The following REV3L variants were observed in gnomAD, a reference collection of about 807,000 sequenced individuals.
REV3L encodes the protein DNA polymerase zeta catalytic subunit.
REV3L carries 69 observed loss-of-function variants against 299.4 expected under a neutral mutation model. The ratio of observed to expected loss-of-function variants is 0.23; its 90% CI spans 0.19 to 0.28. The LOEUF (loss-of-function observed/expected upper bound fraction) is 0.28. REV3L is among the 10% of genes least tolerant of loss of function. REV3L has a pLI of 1.00. For synonymous variants in REV3L, 1,238 were observed against 1,271.4 expected (o/e 0.97, Z 0.56); for missense variants, 3,128 against 3,693.8 (o/e 0.85, Z 3.97).
chr6:111,465,171 C>A (rs1441198782), intron 1 of REV3L, among the ~76,000 whole-genome samples: 6 of 147,292 alleles, frequency 4.1e-5, no homozygotes, highest in African/African-American at 1.5e-4. Context: ...ACCTCTGCCT[C>A]CCGGGTTCAA....
chr6:111,355,917 A>G (rs1778040570), intron 18 of REV3L, among the ~76,000 whole-genome samples: 1 of 152,156 alleles, frequency 6.6e-6, no homozygotes, highest in Admixed American at 6.5e-5. Context: ...TATAAATAGT[A>G]AAAATACTTT....
intron 4 of REV3L, among the ~76,000 whole-genome samples, chr6:111,403,012 T>A (rs1391548280): frequency 6.6e-6 from 1 of 152,194 alleles, no homozygotes. Flanking sequence ...TTAACTGGGA[T>A]AGGAATAAAT....
intron 25 of REV3L, among the ~76,000 whole-genome samples, chr6:111,327,582 G>T (rs760302273): frequency 8.0e-4 from 121 of 151,238 alleles, no homozygotes; most frequent in Non-Finnish European, 9.7e-4. Context: ...ATAGCTTTTG[G>T]TTTTACATTA....
intron 31 of REV3L, among the ~76,000 whole-genome samples, chr6:111,305,641 T>G (rs893535491): frequency 6.6e-6 from 1 of 151,870 alleles, no homozygotes; most frequent in East Asian, 1.9e-4. Flanking sequence ...AATGAACACC[T>G]AATGTTGAAG....
At chr6:111,448,045 T>C (rs1045333859) in intron 1 of REV3L, among the ~76,000 whole-genome samples, 23 of 152,218 alleles carry the variant, frequency 1.5e-4, no homozygotes, top group African/African-American at 5.1e-4. Flanking sequence ...AGTATTGAAC[T>C]CTGTTCACCC....
chr6:111,450,433 T>C (rs1160826274), intron 1 of REV3L, among the ~76,000 whole-genome samples: 1 of 138,708 alleles, frequency 7.2e-6, no homozygotes, highest in Non-Finnish European at 1.5e-5. Flanking sequence ...GAGCCATGCT[T>C]GTGCCATTGC....
intron 25 of REV3L, among the ~76,000 whole-genome samples, chr6:111,323,793 ACAT>A (rs1040865001): frequency 2.0e-5 from 3 of 152,184 alleles, no homozygotes; most frequent in African/African-American, 7.2e-5. Context: ...CGCAAACTGC[ACAT>A]TTTTTTTTGT....
intron 1 of REV3L, among the ~76,000 whole-genome samples, chr6:111,479,641 C>A (rs186681344): frequency 6.6e-6 from 1 of 151,602 alleles, no homozygotes; most frequent in African/African-American, 2.4e-5. Flanking sequence ...TTCCAAATAG[C>A]TAGTACTACA....
intron 1 of REV3L, among the ~76,000 whole-genome samples, chr6:111,467,080 T>C (rs1791597758): frequency 6.6e-6 from 1 of 152,220 alleles, no homozygotes; most frequent in Admixed American, 6.5e-5. Flanking sequence ...GCCCCACTAA[T>C]CACTTAAGGA....
chr6:111,308,293 TAACATTCTTGCCGATGATGAAATG>T, intron 30 of REV3L: 2 of 452,496 alleles, frequency 4.4e-6, no homozygotes, highest in South Asian at 3.1e-5. Context: ...GTCATTGGGT[TAACATTCTTGCCGATGATGAAATG>T]AACATTAGTA....
At chr6:111,441,302 G>A (rs1279447073) in intron 1 of REV3L, among the ~76,000 whole-genome samples, 5 of 152,214 alleles carry the variant, frequency 3.3e-5, no homozygotes, top group Non-Finnish European at 7.4e-5. Context: ...ACTCAGGCTG[G>A]AGTGCAGTGG....
At chr6:111,394,706 ATTTT>A (rs35239605) in intron 4 of REV3L, among the ~76,000 whole-genome samples, 1 of 139,470 alleles carries the variant, frequency 7.2e-6, no homozygotes, top group Non-Finnish European at 1.5e-5. Flanking sequence ...CTGTCCTACA[ATTTT>A]TTTTTTTTTT....
chr6:111,330,014 A>G (rs781197063), intron 24 of REV3L, among the ~76,000 whole-genome samples: 18 of 152,230 alleles, frequency 1.2e-4, no homozygotes, highest in Admixed American at 5.2e-4. Flanking sequence ...CAACTAGTGC[A>G]TAAGTGACCA....
rs749772192 is a variant in REV3L at position 111,367,649 on chromosome 6, G to A, written c.6139C>T (p.Pro2047Ser). 3.1e-6 allele frequency: 5 copies of A among 1,614,166 alleles called. No individual in the cohort carries two copies. The highest frequency in any genetic ancestry group is 1.3e-5 in the African/African-American group (1 of 75,044). ...FSSSVNPDDK[P>S]VVPPKMDVSP... is the part of the protein sequence containing the mutation. ...ACATCCATTTTTGGAGGCACTACAGGTTTGTCATCTGGGTTAACTGAAGAG... is the reference window on the plus strand; with the variant it reads ...ACATCCATTTTTGGAGGCACTACAGATTTGTCATCTGGGTTAACTGAAGAG... The change falls in exon 14 of 32, where the codon CCT becomes TCT. Residue 2047 changes from proline to serine, a missense_variant. Pro to Ser is a moderately conservative substitution (Grantham distance 74). Around this residue, in one of 9 missense-constraint regions of REV3L, gnomAD observed 2,409 missense variants for 2,611.8 expected, o/e 0.92. Transcript: ENST00000368802.
intron 31 of REV3L, 52 bp from the exon 32 acceptor site, chr6:111,300,208 A>T (rs1405575972): frequency 2.8e-6 from 4 of 1,451,080 alleles, no homozygotes; most frequent in Non-Finnish European, 3.7e-6. Context: ...TTATGCGTGT[A>T]TGCAAACAAC....
At chr6:111,370,152 T>C (rs1779661434) in intron 13 of REV3L, among the ~76,000 whole-genome samples, 1 of 152,172 alleles carries the variant, frequency 6.6e-6, no homozygotes. Flanking sequence ...ATTTCAAAAA[T>C]ATTTTTCAAA....
Position 111,365,296 on chromosome 6 carries a change from G to A in REV3L, c.6722C>T (p.Thr2241Ile), listed in dbSNP as rs780123774. The A allele has an allele frequency of 2.5e-6, 4 of 1,570,846 alleles. No individual in the cohort carries two copies. Among genetic ancestry groups the A allele is most frequent in the Non-Finnish European group, 3.5e-6 (4 of 1,159,308 alleles). Residue 2241 changes from threonine to isoleucine, a missense_variant, in exon 15 of 32, where the codon ACT becomes ATT. Transcript: ENST00000368802. ...TTGTGTTAACAGTACTCTTCTAAGAGTGTCAGTATTACTTCCTTTCTTATT... is the reference window on the plus strand; with the variant it reads ...TTGTGTTAACAGTACTCTTCTAAGAATGTCAGTATTACTTCCTTTCTTATT... The part of the protein sequence containing the change: ...LSNKKGSNTD[T>I]LRRVLLTQAK...
chr6:111,299,723 T>C lies in REV3L; in HGVS notation c.*293A>G, dbSNP rs17511602. On this transcript the variant is annotated 3_prime_UTR_variant, in exon 32 of 32. Transcript: ENST00000368802. ...TGCTCCTTCCACTGGGAAGTAAACATGATCTACTCAAATGAATTTACAAGA... is the reference window on the plus strand; with the variant it reads ...TGCTCCTTCCACTGGGAAGTAAACACGATCTACTCAAATGAATTTACAAGA... 1.5e-5 allele frequency: 3 copies of C among 199,778 alleles called. No homozygotes were observed. The South Asian group carries it at 5.0e-4, about 33-fold the overall frequency. The allele number at this position is 199,778 out of a possible 1,614,324, so 12.4% of individuals were successfully genotyped here. A position where few individuals can be genotyped will look rare whatever the true frequency, so the allele number is the denominator to read the frequency against.
At chr6:111,357,419 G>A (rs1252149861) in intron 17 of REV3L, among the ~76,000 whole-genome samples, 27 of 152,172 alleles carry the variant, frequency 1.8e-4, no homozygotes, top group Admixed American at 1.8e-3. Flanking sequence ...CTGGCTGGGT[G>A]CAGTGGCTCA....
Sources: gnomAD v4.1 joint callset for allele counts (sites outside exome capture counted in the v4.1 genomes callset) on GRCh38, gnomAD v4.1.1 for gene constraint, gnomAD v4.1.1 regional missense constraint, MANE v1.5 for transcripts, NCBI Gene and HGNC (gene_info 2026-07-23, HGNC 2026-07-21) for gene names.